USP8: variants seen among roughly 807,000 people sequenced by gnomAD.
USP8 encodes ubiquitin carboxyl-terminal hydrolase 8.
Under a neutral mutation model 130.0 loss-of-function variants are expected in USP8, and 27 were observed. The observed-to-expected ratio is 0.21, with a 90% CI of 0.15 to 0.29. The LOEUF (loss-of-function observed/expected upper bound fraction) is 0.29. USP8 is among the 10% of genes least tolerant of loss of function. The pLI, the probability that USP8 is intolerant of heterozygous loss-of-function variation, is 1.00. For missense variants in USP8, 1,029 were observed against 1,312.2 expected (o/e 0.78, Z 3.33); for synonymous variants, 392 against 444.1 (o/e 0.88, Z 1.48).
chr15:50,507,503 T>A lies in USP8; in HGVS notation c.*8415T>A, dbSNP rs2052678449. On this transcript the variant is annotated 3_prime_UTR_variant, in exon 20 of 20. Coordinates refer to ENST00000307179, the MANE Select transcript of USP8 (RefSeq NM_005154.5). ...ACATCAGCTAAAATGGTCCCTAAGATAGAATGCATTGTAAATGAGTCACTT... is the reference window on the plus strand; with the variant it reads ...ACATCAGCTAAAATGGTCCCTAAGAAAGAATGCATTGTAAATGAGTCACTT... 1 of 152,160 alleles carries A rather than the reference T, an allele frequency of 6.6e-6. No homozygotes were observed. The highest frequency in any genetic ancestry group is 1.5e-5 in the Non-Finnish European group (1 of 68,020). The allele number at this position is 152,160 out of a possible 1,614,324, so 9.4% of individuals were successfully genotyped here.
At position 50,498,614 on chromosome 15, in the gene USP8, G is replaced by C; in HGVS notation, c.3057G>C (p.Arg1019Ser). The C allele has an allele frequency of 6.2e-7, 1 of 1,609,344 alleles. No homozygotes were observed. ...VHLKRFSYDGRWKQKLQTSVD... is the reference protein window; with the variant it reads ...VHLKRFSYDGSWKQKLQTSVD... ...TCTGCAGTTTTTCCTACGATGGCAG[G>C]TGGAAACAAAAATTACAGACATCTG... is the stretch of plus-strand genomic sequence containing the variant. Residue 1019 changes from arginine to serine, a missense_variant, in exon 19 of 20, where the codon AGG becomes AGC. This residue lies in a region of USP8 where 257 missense variants were observed against 429.8 expected (regional missense o/e 0.60). Transcript: ENST00000307179.
chr15:50,449,733 C>A (rs1239487515), intron 4 of USP8, among the ~76,000 whole-genome samples: 1 of 151,386 alleles, frequency 6.6e-6, no homozygotes, highest in East Asian at 1.9e-4. Context: ...AGGCACCCAC[C>A]ACCACGCCCG....
In USP8 at chr15:50,499,760, C is replaced by T. The variant is rs2052545774; in HGVS notation, c.*672C>T. The T allele has an allele frequency of 6.6e-6, 1 of 151,856 alleles. No individual in the cohort carries two copies. The highest frequency in any genetic ancestry group is 2.4e-5 in the African/African-American group (1 of 41,370). 9.4% of individuals were successfully genotyped at this position (151,856 alleles called of 1,614,324 possible). On this transcript the variant is annotated 3_prime_UTR_variant, in exon 20 of 20. Transcript: ENST00000307179. Reference sequence around the variant, plus strand: ...ATTTCATTTACAGCTACATTAAAATCTTAATGAGAAAAATAATTTATAACC... The same window carrying T: ...ATTTCATTTACAGCTACATTAAAATTTTAATGAGAAAAATAATTTATAACC...
rs765655874 is a variant in USP8 at position 50,477,382 on chromosome 15, T to A, written c.1101T>A (p.Gly367=). The A allele has an allele frequency of 1.9e-6, 3 of 1,614,028 alleles. No individual in the cohort carries two copies. The highest frequency in any genetic ancestry group is 2.5e-6 in the Non-Finnish European group (3 of 1,180,030). ...EVDENIELIS[G]QNERMGPLNI... The stretch of plus-strand genomic sequence containing the variant: ...ATGAAAATATAGAATTGATAAGTGG[T>A]CAAAATGAGAGAATGGGACCACTGA... Residue 367 remains glycine, a synonymous_variant, in exon 10 of 20, where the codon GGT becomes GGA. Coordinates refer to ENST00000307179, the MANE Select transcript of USP8 (RefSeq NM_005154.5).
chr15:50,494,644 ATATCCT>A (rs1276018449), intron 16 of USP8, among the ~76,000 whole-genome samples: 2 of 152,238 alleles, frequency 1.3e-5, no homozygotes, highest in Admixed American at 6.5e-5. Flanking sequence ...GTTATTGTAC[ATATCCT>A]TATTCTTTTC....
intron 1 of USP8, among the ~76,000 whole-genome samples, chr15:50,436,628 G>T (rs1441313317): frequency 6.6e-6 from 1 of 151,962 alleles, no homozygotes; most frequent in African/African-American, 2.4e-5. Context: ...CTCCTGAGTA[G>T]CTGGGATTAC....
intron 4 of USP8, among the ~76,000 whole-genome samples, chr15:50,452,646 G>C (rs773310541): frequency 2.6e-5 from 4 of 152,188 alleles, no homozygotes; most frequent in Non-Finnish European, 4.4e-5. Flanking sequence ...TACGGAGCCA[G>C]ACTCCCTGGG....
chr15:50,495,212 A>ACT (rs1566891191), intron 16 of USP8, among the ~76,000 whole-genome samples: 1 of 146,582 alleles, frequency 6.8e-6, no homozygotes, highest in East Asian at 2.0e-4. Context: ...ATACACACAC[A>ACT]CCTACACAAA....
intron 11 of USP8, among the ~76,000 whole-genome samples, chr15:50,483,064 T>G (rs2051832535): frequency 6.6e-6 from 1 of 152,220 alleles, no homozygotes; most frequent in Non-Finnish European, 1.5e-5. Flanking sequence ...GCAAAACATG[T>G]GCACTCCAAG....
At chr15:50,479,211 A>G (rs2051678279) in intron 10 of USP8, among the ~76,000 whole-genome samples, 1 of 152,212 alleles carries the variant, frequency 6.6e-6, no homozygotes, top group Admixed American at 6.5e-5. Flanking sequence ...GAGCAAGGAG[A>G]ATATTCTAGC....
chr15:50,433,692 AC>A (rs1047755710), intron 1 of USP8, among the ~76,000 whole-genome samples: 4 of 151,604 alleles, frequency 2.6e-5, no homozygotes, highest in Non-Finnish European at 5.9e-5. Flanking sequence ...TGCAAGCTCC[AC>A]CTCCCAGGTT....
chr15:50,468,316 A>G (rs1422060503), intron 7 of USP8, among the ~76,000 whole-genome samples: 1 of 148,230 alleles, frequency 6.7e-6, no homozygotes, highest in Admixed American at 6.9e-5. Flanking sequence ...GCTCACTGCA[A>G]CCTCTGCCTT....
chr15:50,473,086 C>A (rs1431126031), intron 8 of USP8, among the ~76,000 whole-genome samples: 1 of 152,094 alleles, frequency 6.6e-6, no homozygotes, highest in Non-Finnish European at 1.5e-5. Context: ...AAGTGAAATG[C>A]AAGTGGACGT....
chr15:50,480,982 T>A (rs893884202), intron 10 of USP8, among the ~76,000 whole-genome samples: 9 of 151,854 alleles, frequency 5.9e-5, no homozygotes, highest in African/African-American at 2.2e-4. Flanking sequence ...GAACATATCA[T>A]GGGACTCAGG....
intron 6 of USP8, chr15:50,463,248 T>G (rs2051071451): frequency 6.6e-6 from 1 of 152,140 alleles, no homozygotes; most frequent in South Asian, 2.1e-4. Context: ...CTGTCTCAAA[T>G]CCAAACCAGT....
intron 12 of USP8, among the ~76,000 whole-genome samples, chr15:50,485,586 T>TTTTTTTGGA (rs2051933562): frequency 9.1e-6 from 1 of 109,770 alleles, no homozygotes; most frequent in Non-Finnish European, 1.9e-5. Context: ...TTTTTTTTAG[T>TTTTTTTGGA]AATTTAGTGT....
At chr15:50,493,878 AGAAG>A (rs1278951026) in intron 15 of USP8, 188 bp from the exon 16 acceptor site, 7 of 761,642 alleles carry the variant, frequency 9.2e-6, no homozygotes, top group Non-Finnish European at 1.6e-5. Flanking sequence ...TGCAGCCAAA[AGAAG>A]GAAGCTGAAG....
rs542727426 is a variant in USP8 at position 50,501,926 on chromosome 15, GGAACAC to G, written c.*2839_*2844del. Reference sequence around the variant, plus strand: ...ATGTCAATGTCCTTAAAGTTTTATGGGAACACAGTCATGCTCATTTGTTTACACTTT... The same window carrying G: ...ATGTCAATGTCCTTAAAGTTTTATGGAGTCATGCTCATTTGTTTACACTTT... On this transcript the variant is annotated 3_prime_UTR_variant, in exon 20 of 20. Transcript: ENST00000307179. 5.3e-5 allele frequency: 8 copies of G among 152,170 alleles called. No individual in the cohort carries two copies. The East Asian group carries it at 1.5e-3, about 29-fold the overall frequency. 9.4% of individuals were successfully genotyped at this position (152,170 alleles called of 1,614,324 possible).
At position 50,505,874 on chromosome 15, in the gene USP8, T is replaced by C. The variant is rs2052651109; in HGVS notation, c.*6786T>C. 6.6e-6 allele frequency: 1 copy of C among 152,290 alleles called. No individual in the cohort carries two copies. Among genetic ancestry groups the C allele is most frequent in the Admixed American group, 6.5e-5 (1 of 15,272 alleles). 9.4% of individuals were successfully genotyped at this position (152,290 alleles called of 1,614,324 possible). A position where few individuals can be genotyped will look rare whatever the true frequency, so the allele number is the denominator to read the frequency against. Reference sequence around the variant, plus strand: ...TGGCAGGCAGAGGCAGGAGGATCCCTTAAGCCCAGAGTTCAAAACTGTAGT... The same window carrying C: ...TGGCAGGCAGAGGCAGGAGGATCCCCTAAGCCCAGAGTTCAAAACTGTAGT... On this transcript the variant is annotated 3_prime_UTR_variant, in exon 20 of 20. Transcript: ENST00000307179.
Sources: allele counts gnomAD v4.1 joint callset (sites outside exome capture counted in the v4.1 genomes callset), GRCh38; gene constraint gnomAD v4.1.1; regional missense constraint gnomAD v4.1.1; transcripts MANE v1.5; gene names NCBI Gene and HGNC (gene_info 2026-07-23, HGNC 2026-07-21).